NHEJ1: variants seen among roughly 807,000 people sequenced by gnomAD.
NHEJ1 encodes the protein non-homologous end-joining factor 1.
Under a neutral mutation model 39.4 loss-of-function variants are expected in NHEJ1, and 22 were observed. The ratio of observed to expected loss-of-function variants is 0.56; its 90% CI spans 0.40 to 0.80. The LOEUF (loss-of-function observed/expected upper bound fraction) is 0.80. Ranked by LOEUF, NHEJ1 falls within the 30% of genes least tolerant of loss-of-function variation. The probability of loss-of-function intolerance (pLI) is 0.00; values close to 1 mark genes in which losing one functional copy is unlikely to be tolerated. For missense variants in NHEJ1, 329 were observed against 357.1 expected (o/e 0.92, Z 0.63); for synonymous variants, 154 against 135.6 (o/e 1.14, Z -0.94).
intron 5 of NHEJ1, among the ~76,000 whole-genome samples, chr2:219,093,575 G>A (rs1439346998): frequency 6.6e-6 from 1 of 151,928 alleles, no homozygotes; most frequent in African/African-American, 2.4e-5. Context: ...CACTTCTGTG[G>A]AGAAGGGAAC....
Position 219,088,757 on chromosome 2 carries a change from G to A in NHEJ1, c.589-10551C>T, listed in dbSNP as rs371269978. Among the ~76,000 whole-genome samples, 10 of 152,108 alleles carry A rather than the reference G, an allele frequency of 6.6e-5. No individual in the cohort carries two copies. The East Asian group carries it at 1.5e-3, about 23-fold the overall frequency. ...TGTTAATTTTGTAATAATTCTTCAA[G>A]CTGTACACTTCTGATATGGGCACTT... On this transcript the variant is annotated intron_variant, in intron 5 of 7. Transcript: ENST00000356853.
At chr2:219,106,907 C>T (rs1462786093) in intron 5 of NHEJ1, among the ~76,000 whole-genome samples, 1 of 152,190 alleles carries the variant, frequency 6.6e-6, no homozygotes, top group African/African-American at 2.4e-5. Flanking sequence ...CTAACAAAAA[C>T]ACCTCTCAAA....
At chr2:219,150,078 T>G (rs1418970434) in intron 3 of NHEJ1, among the ~76,000 whole-genome samples, 1 of 152,266 alleles carries the variant, frequency 6.6e-6, no homozygotes, top group East Asian at 1.9e-4. Context: ...GGATCCAGAT[T>G]AGACGTCTGG....
intron 3 of NHEJ1, among the ~76,000 whole-genome samples, chr2:219,148,246 G>A (rs1027658019): frequency 1.3e-5 from 2 of 151,982 alleles, no homozygotes; most frequent in Admixed American, 1.3e-4. Context: ...GTGACAGAGT[G>A]AGACTCTTTC....
At chr2:219,151,127 CAAAAAAA>C (rs59576120) in intron 3 of NHEJ1, among the ~76,000 whole-genome samples, 2 of 55,996 alleles carry the variant, frequency 3.6e-5, no homozygotes, top group Non-Finnish European at 6.9e-5. Flanking sequence ...GACCTTATCT[CAAAAAAA>C]AAAAAAAAAA....
At chr2:219,138,100 A>G (rs1056082512) in intron 5 of NHEJ1, among the ~76,000 whole-genome samples, 1 of 152,144 alleles carries the variant, frequency 6.6e-6, no homozygotes, top group Non-Finnish European at 1.5e-5. Context: ...ACCACCCTGA[A>G]TCCTATGGCT....
At chr2:219,130,728 C>T (rs143925080) in intron 5 of NHEJ1, among the ~76,000 whole-genome samples, 409 of 152,206 alleles carry the variant, frequency 2.7e-3, no homozygotes, top group Non-Finnish European at 4.5e-3. Context: ...AGTCCACTTA[C>T]GGTACTGAAC....
chr2:219,098,815 T>C (rs978224685), intron 5 of NHEJ1, among the ~76,000 whole-genome samples: 1 of 152,118 alleles, frequency 6.6e-6, no homozygotes, highest in African/African-American at 2.4e-5. Context: ...ATAAATAAAA[T>C]GAAGAAACTA....
chr2:219,089,253 C>T lies in NHEJ1; in HGVS notation c.589-11047G>A, dbSNP rs140397532. Among the ~76,000 whole-genome samples the T allele has an allele frequency of 8.4e-3, 1,286 of 152,190 alleles. 26 individuals carry two copies. The highest frequency in any genetic ancestry group is 0.029 in the African/African-American group (1,189 of 41,504). On this transcript the variant is annotated intron_variant, in intron 5 of 7. Transcript: ENST00000356853. Reference sequence around the variant, plus strand: ...ACTCCTAGGTACATACCCAAGAGAACGGAAAACATAGTTAACACAAAAATG... The same window carrying T: ...ACTCCTAGGTACATACCCAAGAGAATGGAAAACATAGTTAACACAAAAATG...
At chr2:219,117,510 GA>G (rs1414468608) in intron 5 of NHEJ1, among the ~76,000 whole-genome samples, 1 of 152,246 alleles carries the variant, frequency 6.6e-6, no homozygotes, top group Non-Finnish European at 1.5e-5. Context: ...CAGGCTCAGA[GA>G]ATCAGCCAGA....
In NHEJ1 at chr2:219,078,192, T is replaced by C. The variant is rs2106320167; in HGVS notation, c.603A>G (p.Ala201=). The change falls in exon 6 of 8, where the codon GCA becomes GCG. Residue 201 remains alanine, a synonymous_variant. Coordinates refer to ENST00000356853, the MANE Select transcript of NHEJ1 (RefSeq NM_024782.3). ...EQFMIEKLPE[A]CSIGDGKPFV... ...AGGGCTTTCCATCACCAATGCTGCA[T>C]GCCTCTGGCAGTTTCTGTAAGAGAG... is the stretch of plus-strand genomic sequence containing the variant. 6.2e-7 allele frequency: 1 copy of C among 1,614,108 alleles called. No individual in the cohort carries two copies. The highest frequency in any genetic ancestry group is 8.5e-7 in the Non-Finnish European group (1 of 1,179,934).
At chr2:219,157,441 TC>T (rs1414235010) in intron 3 of NHEJ1, 30 bp downstream of exon 3, 2 of 1,585,758 alleles carry the variant, frequency 1.3e-6, no homozygotes, top group Admixed American at 1.7e-5. Flanking sequence ...CTGGCATCCC[TC>T]CCCCAACCCC....
rs1179799585 is a variant in NHEJ1 at position 219,074,913 on chromosome 2, T to C, written c.*1468A>G. Among the ~76,000 whole-genome samples, 3 of 151,986 alleles carry C rather than the reference T, an allele frequency of 2.0e-5. No individual in the cohort carries two copies. The highest frequency in any genetic ancestry group is 7.3e-5 in the African/African-American group (3 of 41,372). The stretch of plus-strand genomic sequence containing the variant: ...GACTGGGAATGAGCCTTGGTGGAGA[T>C]CTCAGACTCTGCTAGCAGGAAAAAG... On this transcript the variant is annotated 3_prime_UTR_variant, in exon 8 of 8. Coordinates refer to ENST00000356853, the MANE Select transcript of NHEJ1 (RefSeq NM_024782.3).
intron 5 of NHEJ1, among the ~76,000 whole-genome samples, chr2:219,095,757 A>C (rs1949202497): frequency 6.6e-6 from 1 of 152,164 alleles, no homozygotes; most frequent in Admixed American, 6.6e-5. Flanking sequence ...GTACACAGGA[A>C]ATTCAAAACA....
intron 3 of NHEJ1, among the ~76,000 whole-genome samples, chr2:219,148,370 T>C (rs1260898113): frequency 6.6e-6 from 1 of 151,970 alleles, no homozygotes; most frequent in Non-Finnish European, 1.5e-5. Context: ...CTGACAAACA[T>C]AGTGAGACCC....
intron 1 of NHEJ1, 90 bp from the exon 2 acceptor site, chr2:219,158,452 C>T: frequency 7.9e-7 from 1 of 1,266,194 alleles, no homozygotes; most frequent in Non-Finnish European, 1.1e-6. Flanking sequence ...CAACTAAAAT[C>T]TCATGAAAAT....
At chr2:219,078,288 T>A (rs866510177) in intron 5 of NHEJ1, 82 bp from the exon 6 acceptor site, 3 of 1,175,364 alleles carry the variant, frequency 2.6e-6, no homozygotes, top group Non-Finnish European at 3.8e-6. Flanking sequence ...AGAACCGGCA[T>A]CAACCCCAAA....
chr2:219,143,383 C>A (rs114000016), intron 5 of NHEJ1, among the ~76,000 whole-genome samples: 2,001 of 152,264 alleles, frequency 0.013, 13 homozygotes, highest in Middle Eastern at 0.031. Context: ...GAGGACAGTG[C>A]AATGACCCCA....
At chr2:219,093,790 T>C (rs1949182584) in intron 5 of NHEJ1, among the ~76,000 whole-genome samples, 1 of 152,222 alleles carries the variant, frequency 6.6e-6, no homozygotes, top group Non-Finnish European at 1.5e-5. Context: ...GTAAAAATAT[T>C]TTAAAAAGAC....
Sources: allele counts gnomAD v4.1 joint callset (sites outside exome capture counted in the v4.1 genomes callset), GRCh38; gene constraint gnomAD v4.1.1; transcripts MANE v1.5; gene names NCBI Gene and HGNC (gene_info 2026-07-23, HGNC 2026-07-21).